Variants in LDLRAD4 observed in about 807,000 individuals in gnomAD.
The protein encoded by LDLRAD4 is low-density lipoprotein receptor class A domain-containing protein 4.
Under a neutral mutation model 17.0 loss-of-function variants are expected in LDLRAD4, and 5 were observed. The observed-to-expected ratio is 0.29, with a 90% CI of 0.15 to 0.62. LDLRAD4 has a LOEUF of 0.62. Among genes scored for constraint, LDLRAD4 ranks in the 20% least tolerant of loss-of-function variants. The pLI, the probability that LDLRAD4 is intolerant of heterozygous loss-of-function variation, is 0.84. For synonymous variants in LDLRAD4, 168 were observed against 171.8 expected, an observed-to-expected ratio of 0.98 and a Z score of 0.17; for missense variants, 340 against 424.7, an observed-to-expected ratio of 0.80 and a Z score of 1.75.
intron 3 of LDLRAD4, among the ~76,000 whole-genome samples, chr18:13,541,527 G>C (rs145765310): frequency 5.6e-4 from 86 of 152,330 alleles, no homozygotes; most frequent in African/African-American, 2.0e-3. Context: ...AGCTTCCTTT[G>C]TGAGACATGA....
At chr18:13,306,805 G>A (rs1159489099) in intron 1 of LDLRAD4, among the ~76,000 whole-genome samples, 1 of 152,132 alleles carries the variant, frequency 6.6e-6, no homozygotes, top group Non-Finnish European at 1.5e-5. Context: ...AGAGACTGTG[G>A]CTATGGCAAA....
chr18:13,314,450 G>A (rs1312154125), intron 1 of LDLRAD4, among the ~76,000 whole-genome samples: 1 of 152,216 alleles, frequency 6.6e-6, no homozygotes, highest in African/African-American at 2.4e-5. Flanking sequence ...GCACACCTTG[G>A]AGATGTTGTG....
At chr18:13,353,519 T>C (rs1042913662) in intron 1 of LDLRAD4, among the ~76,000 whole-genome samples, 3 of 152,246 alleles carry the variant, frequency 2.0e-5, no homozygotes, top group African/African-American at 7.2e-5. Context: ...CCTAGGTGTC[T>C]GTGGGTCTGT....
At chr18:13,305,891 A>G (rs2046882724) in intron 1 of LDLRAD4, among the ~76,000 whole-genome samples, 1 of 152,264 alleles carries the variant, frequency 6.6e-6, no homozygotes, top group African/African-American at 2.4e-5. Context: ...GCTCACCTAT[A>G]GACTCTAATA....
rs368855093 is a variant in LDLRAD4, at chr18:13,498,578, A to G, written c.181+60194A>G. 5.6e-3 allele frequency among the ~76,000 whole-genome samples: 852 copies of G among 150,974 alleles called. 8 individuals carry two copies. Among genetic ancestry groups the G allele is most frequent in the African/African-American group, 0.02 (799 of 40,828 alleles). ...ACACACGTCCCACTGTGGACACTGG[A>G]GAATCCTTCTCCCCACACACGTCCT... On this transcript the variant is annotated intron_variant, in intron 3 of 5. Transcript: ENST00000359446.
intron 3 of LDLRAD4, among the ~76,000 whole-genome samples, chr18:13,478,071 A>T (rs760510723): frequency 1.3e-5 from 2 of 152,178 alleles, no homozygotes; most frequent in Admixed American, 6.5e-5. Flanking sequence ...GAGTGGCAAG[A>T]CAGTGTATTT....
intron 3 of LDLRAD4, among the ~76,000 whole-genome samples, chr18:13,546,074 C>G (rs535237720): frequency 1.3e-5 from 2 of 152,096 alleles, no homozygotes; most frequent in African/African-American, 2.4e-5. Flanking sequence ...TGAGGCTGTT[C>G]GGGATTAGGG....
chr18:13,572,849 G>A (rs2094712257), intron 3 of LDLRAD4, among the ~76,000 whole-genome samples: 1 of 152,208 alleles, frequency 6.6e-6, no homozygotes, highest in Non-Finnish European at 1.5e-5. Flanking sequence ...CAAGAGCTGT[G>A]GCTAAAGCAC....
At chr18:13,232,944 C>T (rs2042155747) in intron 1 of LDLRAD4, among the ~76,000 whole-genome samples, 1 of 152,204 alleles carries the variant, frequency 6.6e-6, no homozygotes, top group South Asian at 2.1e-4. Context: ...CTGAAGGGAA[C>T]AGGAGCCAGC....
intron 3 of LDLRAD4, among the ~76,000 whole-genome samples, chr18:13,500,082 G>A (rs1445040600): frequency 6.6e-6 from 1 of 152,156 alleles, no homozygotes; most frequent in African/African-American, 2.4e-5. Flanking sequence ...GAAATGTTGG[G>A]AATAATCTGA....
chr18:13,606,326 G>A (rs566334700), intron 3 of LDLRAD4, among the ~76,000 whole-genome samples: 6 of 152,180 alleles, frequency 3.9e-5, no homozygotes, highest in Admixed American at 1.3e-4. Flanking sequence ...CCTTTTTTCC[G>A]CTTAGTAGCA....
At chr18:13,373,402 A>G (rs1464952875) in intron 1 of LDLRAD4, among the ~76,000 whole-genome samples, 1 of 152,166 alleles carries the variant, frequency 6.6e-6, no homozygotes, top group African/African-American at 2.4e-5. Context: ...CTGTATGTTC[A>G]ATGTTTTCTT....
At chr18:13,530,880 G>T (rs182975962) in intron 3 of LDLRAD4, among the ~76,000 whole-genome samples, 27 of 148,308 alleles carry the variant, frequency 1.8e-4, no homozygotes, top group Admixed American at 4.7e-4. Context: ...GGTGGTGTGG[G>T]CTGGGGGTGG....
At chr18:13,576,437 A>AAAAAAAAAAAG (rs1555750703) in intron 3 of LDLRAD4, among the ~76,000 whole-genome samples, 2 of 83,596 alleles carry the variant, frequency 2.4e-5, no homozygotes, top group African/African-American at 6.1e-5. Context: ...AAAAAAAAAA[A>AAAAAAAAAAAG]AAAGAAAGAA....
At chr18:13,643,060 C>G (rs1285948502) in intron 4 of LDLRAD4, among the ~76,000 whole-genome samples, 2 of 152,016 alleles carry the variant, frequency 1.3e-5, no homozygotes, top group South Asian at 2.1e-4. Context: ...CTCACCCTCC[C>G]GAGTAGCTGG....
intron 1 of LDLRAD4, among the ~76,000 whole-genome samples, chr18:13,368,503 A>G (rs1008192232): frequency 6.6e-6 from 1 of 152,162 alleles, no homozygotes; most frequent in Non-Finnish European, 1.5e-5. Flanking sequence ...TACTAAAATC[A>G]TAGGCATAAA....
At chr18:13,387,534 C>T in exon 2 of LDLRAD4, 2 of 560,534 alleles carry the variant, frequency 3.6e-6, no homozygotes, top group South Asian at 4.0e-5. Flanking sequence ...CGCCGCCGCC[C>T]AGGTGCCACA....
chr18:13,344,260 T>A (rs2082548236), intron 1 of LDLRAD4, among the ~76,000 whole-genome samples: 1 of 152,236 alleles, frequency 6.6e-6, no homozygotes, highest in South Asian at 2.1e-4. Flanking sequence ...AATTTTTGTA[T>A]AAGGTGTAAG....
intron 3 of LDLRAD4, chr18:13,472,124 C>T (rs1052558119): frequency 3.9e-5 from 6 of 152,238 alleles, no homozygotes; most frequent in African/African-American, 1.4e-4. Context: ...GTGGACGGGC[C>T]TGGCCGTCAG....
Sources: gnomAD v4.1 joint callset for allele counts (sites outside exome capture counted in the v4.1 genomes callset) on GRCh38, gnomAD v4.1.1 for gene constraint, MANE v1.5 for transcripts, NCBI Gene and HGNC (gene_info 2026-07-23, HGNC 2026-07-21) for gene names.